ARL13B: variants seen among roughly 807,000 people sequenced by gnomAD.
ARL13B encodes ADP-ribosylation factor-like protein 13B.
A neutral mutation model predicts 56.1 loss-of-function variants in ARL13B; 36 were observed. The observed-to-expected ratio is 0.64, with a 90% CI of 0.49 to 0.85. The LOEUF (loss-of-function observed/expected upper bound fraction) is 0.85. Among genes scored for constraint, ARL13B ranks in the 40% least tolerant of loss-of-function variants. ARL13B has a pLI of 0.00. For synonymous variants in ARL13B, 178 were observed against 171.1 expected (o/e 1.04, Z -0.32); for missense variants, 519 against 507.1 (o/e 1.02, Z -0.23).
intron 1 of ARL13B, among the ~76,000 whole-genome samples, chr3:93,988,440 A>T (rs1669552100): frequency 6.6e-6 from 1 of 152,212 alleles, no homozygotes; most frequent in South Asian, 2.1e-4. Flanking sequence ...CTCTGGTTTC[A>T]CCAAAAAATA....
chr3:94,002,805 C>G (rs964664304), intron 2 of ARL13B, among the ~76,000 whole-genome samples: 4 of 152,034 alleles, frequency 2.6e-5, no homozygotes, highest in Non-Finnish European at 5.9e-5. Context: ...TCTTCAGAAC[C>G]CTCTTCTATT....
rs948923740 is a variant in ARL13B, at chr3:94,013,424, A to C, written c.380+9516A>C. 2.6e-5 allele frequency among the ~76,000 whole-genome samples: 4 copies of C among 152,356 alleles called. No individual in the cohort carries two copies. In the East Asian group the frequency reaches 7.7e-4, roughly 29 times the overall value. On this transcript the variant is annotated intron_variant, in intron 3 of 9. Coordinates refer to ENST00000394222, the MANE Select transcript of ARL13B (RefSeq NM_001174150.2). ...ATAGTATAGTATAGCATTATCTTAA[A>C]GTCATGGCAAAATATTCAAGAATAC...
chr3:94,018,633 G>A (rs906483104), intron 3 of ARL13B, among the ~76,000 whole-genome samples: 1 of 152,042 alleles, frequency 6.6e-6, no homozygotes, highest in African/African-American at 2.4e-5. Context: ...TTAAAAAACT[G>A]CCTACCTGAC....
chr3:94,038,119 A>G (rs1354011656), intron 5 of ARL13B, among the ~76,000 whole-genome samples: 2 of 152,236 alleles, frequency 1.3e-5, no homozygotes, highest in African/African-American at 2.4e-5. Context: ...CCAAGTAAAA[A>G]TAATATATTA....
intron 7 of ARL13B, 137 bp downstream of exon 7, chr3:94,043,377 A>T (rs1040624615): frequency 2.2e-5 from 18 of 821,914 alleles, no homozygotes; most frequent in Non-Finnish European, 3.2e-5. Flanking sequence ...ATTTACCATG[A>T]TTTTCTCAAG....
At chr3:93,996,920 A>T (rs751562241) in intron 2 of ARL13B, among the ~76,000 whole-genome samples, 1 of 152,058 alleles carries the variant, frequency 6.6e-6, no homozygotes, top group Non-Finnish European at 1.5e-5. Context: ...CATTACTCAC[A>T]TTACTGCCTG....
At chr3:94,002,338 A>T (rs946829388) in intron 2 of ARL13B, among the ~76,000 whole-genome samples, 25 of 152,234 alleles carry the variant, frequency 1.6e-4, no homozygotes, top group African/African-American at 5.5e-4. Context: ...AAGTGCTGAG[A>T]TTTCAGGCCT....
intron 7 of ARL13B, among the ~76,000 whole-genome samples, chr3:94,045,539 C>T (rs2076967714): frequency 6.6e-6 from 1 of 151,570 alleles, no homozygotes; most frequent in African/African-American, 2.4e-5. Flanking sequence ...CAAACAAATC[C>T]CAGCATGAGT....
chr3:94,022,406 G>A (rs971846721), intron 3 of ARL13B, among the ~76,000 whole-genome samples: 1 of 152,168 alleles, frequency 6.6e-6, no homozygotes, highest in Non-Finnish European at 1.5e-5. Flanking sequence ...GATTACAGGT[G>A]TGAGCCACCG....
intron 3 of ARL13B, among the ~76,000 whole-genome samples, chr3:94,027,103 C>T (rs1260274918): frequency 1.3e-5 from 2 of 151,916 alleles, no homozygotes; most frequent in African/African-American, 2.4e-5. Flanking sequence ...TTCATAGTTA[C>T]TGTAATGATT....
At chr3:94,040,045 AAAG>A (rs2076837003) in intron 6 of ARL13B, 57 bp downstream of exon 6, 1 of 1,488,252 alleles carries the variant, frequency 6.7e-7, no homozygotes, top group South Asian at 1.2e-5. Context: ...GGAACTTGGA[AAAG>A]AAGGTGGAAA....
chr3:94,019,538 T>C (rs2076404432), intron 3 of ARL13B, among the ~76,000 whole-genome samples: 1 of 152,146 alleles, frequency 6.6e-6, no homozygotes, highest in Non-Finnish European at 1.5e-5. Flanking sequence ...GATAGTCTCC[T>C]AAGTGTTCTC....
At chr3:94,000,412 C>A (rs1194908294) in intron 2 of ARL13B, among the ~76,000 whole-genome samples, 1 of 152,046 alleles carries the variant, frequency 6.6e-6, no homozygotes, top group Non-Finnish European at 1.5e-5. Flanking sequence ...CTAGGATTCT[C>A]TTGACTATCA....
intron 3 of ARL13B, among the ~76,000 whole-genome samples, chr3:94,004,629 A>AT (rs1350028244): frequency 6.6e-6 from 1 of 151,392 alleles, no homozygotes; most frequent in African/African-American, 2.4e-5. Context: ...ATTATTAAGG[A>AT]TTAAAAAAAA....
At chr3:94,049,572 CAG>C (rs762785442) in intron 8 of ARL13B, 50 bp downstream of exon 8, 312 of 993,472 alleles carry the variant, frequency 3.1e-4, no homozygotes, top group South Asian at 4.9e-4. Context: ...CTTTAAACAA[CAG>C]AGAAAAAAAA....
At chr3:94,038,796 C>T (rs888037658) in intron 5 of ARL13B, among the ~76,000 whole-genome samples, 9 of 152,106 alleles carry the variant, frequency 5.9e-5, no homozygotes, top group African/African-American at 2.2e-4. Context: ...GCTGGGATTA[C>T]AGGCGTGAGC....
At position 94,003,633 on chromosome 3, in the gene ARL13B, CT is replaced by C. The variant is rs781077146; in HGVS notation, c.131-19del. The C allele has an allele frequency of 5.6e-6, 9 of 1,609,230 alleles. No individual in the cohort carries two copies. In the South Asian group the frequency reaches 1.0e-4, roughly 18 times the overall value. The stretch of plus-strand genomic sequence containing the variant: ...TTGTCAATTAAAGTCTAAAGATTTT[CT>C]TTTTTTGTGTATCATTTGTAACAGA... On this transcript the variant is annotated intron_variant, in intron 2 of 9. Coordinates refer to ENST00000394222, the MANE Select transcript of ARL13B (RefSeq NM_001174150.2).
intron 6 of ARL13B, among the ~76,000 whole-genome samples, chr3:94,041,979 C>T (rs1455948233): frequency 6.6e-6 from 1 of 152,096 alleles, no homozygotes; most frequent in Non-Finnish European, 1.5e-5. Context: ...TTGCTTAAAC[C>T]TGGAGGGGTG....
intron 3 of ARL13B, among the ~76,000 whole-genome samples, chr3:94,006,182 C>G (rs1045852903): frequency 1.3e-5 from 2 of 152,066 alleles, no homozygotes; most frequent in Non-Finnish European, 2.9e-5. Context: ...GTAGTCCCAG[C>G]TACTCGGGAG....
Sources: allele counts gnomAD v4.1 joint callset (sites outside exome capture counted in the v4.1 genomes callset), GRCh38; gene constraint gnomAD v4.1.1; transcripts MANE v1.5; gene names NCBI Gene and HGNC (gene_info 2026-07-23, HGNC 2026-07-21).